Variants in PPP3R1 observed in about 807,000 individuals in gnomAD.
The protein encoded by PPP3R1 is protein phosphatase 3 regulatory subunit B, alpha.
PPP3R1 carries 5 observed loss-of-function variants against 22.6 expected under a neutral mutation model. The observed-to-expected ratio is 0.22, with a 90% CI of 0.12 to 0.46. PPP3R1 has a LOEUF of 0.46. Ranked by LOEUF, PPP3R1 falls within the 20% of genes least tolerant of loss-of-function variation. PPP3R1 has a pLI of 0.99. For synonymous variants in PPP3R1, 56 were observed against 65.2 expected (o/e 0.86, Z 0.68); for missense variants, 61 against 203.2 (o/e 0.30, Z 4.25).
intron 2 of PPP3R1, among the ~76,000 whole-genome samples, chr2:68,215,871 T>C (rs2103769275): frequency 6.6e-6 from 1 of 152,162 alleles, no homozygotes; most frequent in South Asian, 2.1e-4. Flanking sequence ...ACCATGTATA[T>C]GAACAGTGTA....
chr2:68,217,182 T>TA, intron 1 of PPP3R1, 51 bp from the exon 2 acceptor site: 1 of 1,336,852 alleles, frequency 7.5e-7, no homozygotes, highest in Middle Eastern at 1.8e-4. Context: ...CAAATTTGTT[T>TA]AAAATATTAA....
chr2:68,234,333 A>C (rs1669975999), intron 1 of PPP3R1, among the ~76,000 whole-genome samples: 1 of 150,676 alleles, frequency 6.6e-6, no homozygotes, highest in South Asian at 2.1e-4. Context: ...ACAGAGTGAG[A>C]CTCCGTCCAA....
At chr2:68,181,833 T>G (rs961378741) in intron 5 of PPP3R1, among the ~76,000 whole-genome samples, 4 of 152,216 alleles carry the variant, frequency 2.6e-5, no homozygotes, top group African/African-American at 4.8e-5. Context: ...TAAACATGTC[T>G]GTATATTATT....
intron 1 of PPP3R1, among the ~76,000 whole-genome samples, chr2:68,247,735 A>C (rs1310647143): frequency 6.6e-6 from 1 of 152,156 alleles, no homozygotes; most frequent in Non-Finnish European, 1.5e-5. Flanking sequence ...CCAGAAACCA[A>C]AGCAGAATTC....
In PPP3R1 at chr2:68,229,683, T is replaced by A. The variant is rs1479669422; in HGVS notation, c.4-12552A>T. Among the ~76,000 whole-genome samples, 3 of 152,292 alleles carry A rather than the reference T, an allele frequency of 2.0e-5. 1 individual carries two copies. In the East Asian group the frequency reaches 5.8e-4, roughly 29 times the overall value. On this transcript the variant is annotated intron_variant, in intron 1 of 5. Coordinates refer to ENST00000234310, the MANE Select transcript of PPP3R1 (RefSeq NM_000945.4). The stretch of plus-strand genomic sequence containing the variant: ...AACTGCTTTGTTATGAGGTCTACTT[T>A]ATCTAATATTAAATATAACCATACC...
In PPP3R1 at chr2:68,202,408, TG is replaced by T. The variant is rs1219928141; in HGVS notation, c.44-13719del. Reference sequence around the variant, plus strand: ...TCCTTCCTTTTCTTTTTTCGTTTTTTGTTGTTGTTGTTGTTGTTGTTGTTGT... The same window carrying T: ...TCCTTCCTTTTCTTTTTTCGTTTTTTTTGTTGTTGTTGTTGTTGTTGTTGT... On this transcript the variant is annotated intron_variant, in intron 2 of 5. Transcript: ENST00000234310. Among the ~76,000 whole-genome samples, 47 of 34,732 alleles carry T rather than the reference TG, an allele frequency of 1.4e-3. 1 individual carries two copies. The highest frequency in any genetic ancestry group is 7.3e-3 in the African/African-American group (46 of 6,280). 22.8% of individuals were successfully genotyped at this position (34,732 alleles called of 152,430 possible).
At chr2:68,204,214 T>C (rs1011749571) in intron 2 of PPP3R1, among the ~76,000 whole-genome samples, 5 of 152,088 alleles carry the variant, frequency 3.3e-5, no homozygotes, top group African/African-American at 9.7e-5. Context: ...CAACAGAGTA[T>C]ACATTTCCTA....
intron 2 of PPP3R1, among the ~76,000 whole-genome samples, chr2:68,192,470 TATTA>T (rs1465522305): frequency 1.3e-5 from 2 of 152,174 alleles, no homozygotes; most frequent in Admixed American, 6.5e-5. Context: ...GCAAACTATT[TATTA>T]GTCAATTTAT....
chr2:68,207,237 G>C (rs2103755569), intron 2 of PPP3R1, among the ~76,000 whole-genome samples: 1 of 137,760 alleles, frequency 7.3e-6, no homozygotes, highest in South Asian at 2.3e-4. Flanking sequence ...AAAAAAAAAA[G>C]CATGTAAGAT....
chr2:68,239,710 A>T (rs1347793908), intron 1 of PPP3R1, among the ~76,000 whole-genome samples: 2 of 152,210 alleles, frequency 1.3e-5, no homozygotes, highest in Non-Finnish European at 1.5e-5. Flanking sequence ...TTCACTCAAG[A>T]AATATTTAAT....
chr2:68,217,454 T>C (rs977056192), intron 1 of PPP3R1, among the ~76,000 whole-genome samples: 1 of 152,152 alleles, frequency 6.6e-6, no homozygotes, highest in Non-Finnish European at 1.5e-5. Context: ...GGACTGTCAA[T>C]GTTCCAACAT....
intron 2 of PPP3R1, among the ~76,000 whole-genome samples, chr2:68,195,338 G>T (rs774488172): frequency 1.3e-5 from 2 of 152,206 alleles, no homozygotes; most frequent in East Asian, 3.9e-4. Context: ...TTTGGGGCAA[G>T]AATACCACAG....
At chr2:68,226,327 T>C (rs1188056828) in intron 1 of PPP3R1, among the ~76,000 whole-genome samples, 1 of 152,184 alleles carries the variant, frequency 6.6e-6, no homozygotes, top group Non-Finnish European at 1.5e-5. Flanking sequence ...AGGTAAGTTG[T>C]ACCTCAATAA....
At chr2:68,234,937 G>A (rs906696083) in intron 1 of PPP3R1, among the ~76,000 whole-genome samples, 1 of 152,164 alleles carries the variant, frequency 6.6e-6, no homozygotes, top group African/African-American at 2.4e-5. Context: ...CTGAAGTAGA[G>A]AGAAAACTAA....
Position 68,198,062 on chromosome 2 carries a change from C to CAAAAAA in PPP3R1, c.44-9378_44-9373dup, listed in dbSNP as rs199824687. On this transcript the variant is annotated intron_variant, in intron 2 of 5. Transcript: ENST00000234310. ...GCTCCCTTTACAACGGCACCTTTGGCAAAAAAAAAAAAAAAAAAAAAAAAA... is the reference window on the plus strand; with the variant it reads ...GCTCCCTTTACAACGGCACCTTTGGCAAAAAAAAAAAAAAAAAAAAAAAAAAAAAAA... Among the ~76,000 whole-genome samples, 7 of 42,002 alleles carry CAAAAAA rather than the reference C, an allele frequency of 1.7e-4. 1 individual carries two copies. Among genetic ancestry groups the CAAAAAA allele is most frequent in the Admixed American group, 8.0e-4 (2 of 2,488 alleles). The allele number at this position is 42,002 out of a possible 152,430, so 27.6% of individuals were successfully genotyped here.
intron 1 of PPP3R1, among the ~76,000 whole-genome samples, chr2:68,241,640 A>G (rs1211876765): frequency 6.6e-6 from 1 of 152,140 alleles, no homozygotes; most frequent in East Asian, 1.9e-4. Context: ...CCAGGTCAGG[A>G]GCTGGCCAAC....
At position 68,179,877 on chromosome 2, in the gene PPP3R1, G is replaced by A. The variant is rs1330852295; in HGVS notation, c.*1086C>T. 1 of 152,188 alleles carries A rather than the reference G, an allele frequency of 6.6e-6. No homozygotes were observed. Among genetic ancestry groups the A allele is most frequent in the Non-Finnish European group, 1.5e-5 (1 of 68,036 alleles). The allele number at this position is 152,188 out of a possible 1,614,324, so 9.4% of individuals were successfully genotyped here. Reference sequence around the variant, plus strand: ...ACACTTAAACCACAAATATATGTGGGTGTTTAGATACATACATGCATATTA... The same window carrying A: ...ACACTTAAACCACAAATATATGTGGATGTTTAGATACATACATGCATATTA... On this transcript the variant is annotated 3_prime_UTR_variant, in exon 6 of 6. Coordinates refer to ENST00000234310, the MANE Select transcript of PPP3R1 (RefSeq NM_000945.4).
intron 1 of PPP3R1, among the ~76,000 whole-genome samples, chr2:68,226,827 C>T (rs913806685): frequency 2.0e-5 from 3 of 152,132 alleles, no homozygotes; most frequent in Non-Finnish European, 2.9e-5. Flanking sequence ...AGATTAAGGG[C>T]ATTAGAAGAC....
At position 68,186,822 on chromosome 2, in the gene PPP3R1, G is replaced by A. The variant is rs571548558; in HGVS notation, c.281-170C>T. ...CACAGTTTAACATAGTTGGTTAAAC[G>A]TACGGGCTTTTGAGACTGCCTGAGC... On this transcript the variant is annotated intron_variant, in intron 4 of 5. Transcript: ENST00000234310. Among the ~76,000 whole-genome samples, 16 of 152,312 alleles carry A rather than the reference G, an allele frequency of 1.1e-4. No individual in the cohort carries two copies. The South Asian group carries it at 2.1e-3, about 20-fold the overall frequency.
Sources: allele counts gnomAD v4.1 joint callset (sites outside exome capture counted in the v4.1 genomes callset), GRCh38; gene constraint gnomAD v4.1.1; transcripts MANE v1.5; gene names NCBI Gene and HGNC (gene_info 2026-07-23, HGNC 2026-07-21).